PCDHGC3: variants seen among roughly 807,000 people sequenced by gnomAD.
PCDHGC3 encodes the protein protocadherin gamma-C3.
In PCDHGC3, 26 loss-of-function variants were observed where a neutral mutation model predicts 59.2. That is an observed-to-expected ratio of 0.44 (90% CI 0.32 to 0.61). The LOEUF (loss-of-function observed/expected upper bound fraction) is 0.61. Among genes scored for constraint, PCDHGC3 ranks in the 20% least tolerant of loss-of-function variants. The pLI is 0.05. For synonymous variants in PCDHGC3, 487 were observed against 519.7 expected (o/e 0.94, Z 0.86); for missense variants, 1,080 against 1,221.8 (o/e 0.88, Z 1.73).
chr5:141,511,118 C>T lies in PCDHGC3; in HGVS notation c.2750C>T (p.Ala917Val), dbSNP rs1352222210. 1.2e-6 allele frequency: 2 copies of T among 1,614,094 alleles called. No individual in the cohort carries two copies. The highest frequency in any genetic ancestry group is 1.7e-6 in the Non-Finnish European group (2 of 1,180,022). The change falls in exon 4 of 4, where the codon GCC (alanine) becomes GTC (valine). Residue 917 changes from alanine to valine, a missense_variant. Coordinates refer to ENST00000308177, the MANE Select transcript of PCDHGC3 (RefSeq NM_002588.4). ...GCAGCTGGCAAGCGGGATGGCAAGG[C>T]CCCAGCAGGTGGCAATGGCAACAAG... is the stretch of plus-strand genomic sequence containing the variant. ...TNAAGKRDGK[A>V]PAGGNGNKKK... is the part of the protein sequence containing the mutation.
In PCDHGC3 at chr5:141,487,470, G is replaced by C; in HGVS notation, c.2431-7337G>C. ...GACCCTATCAAGTTTGTTGATGTGG[G>C]AGGCCACTCTCATGGCTGTACACCC... On this transcript the variant is annotated intron_variant, in intron 1 of 3. Coordinates refer to ENST00000308177, the MANE Select transcript of PCDHGC3 (RefSeq NM_002588.4). The surrounding 1 kb of genome is among the most constrained non-coding windows in gnomAD (Gnocchi z 5.0). The C allele has an allele frequency of 1.9e-6, 3 of 1,614,162 alleles. No individual in the cohort carries two copies. Among genetic ancestry groups the C allele is most frequent in the South Asian group, 1.1e-5 (1 of 91,084 alleles).
intron 1 of PCDHGC3, among the ~76,000 whole-genome samples, chr5:141,492,341 C>T (rs2099739551): frequency 6.6e-6 from 1 of 152,222 alleles, no homozygotes; most frequent in East Asian, 1.9e-4. Flanking sequence ...CGAATACCAG[C>T]TTTCACTGCC....
chr5:141,507,202 C>G (rs2099859138), intron 3 of PCDHGC3: 1 of 152,356 alleles, frequency 6.6e-6, no homozygotes, highest in Non-Finnish European at 1.5e-5. Flanking sequence ...TCTTCCAGAT[C>G]AGGGTTGCCA....
chr5:141,486,253 C>G lies in PCDHGC3; in HGVS notation c.2430+7707C>G. On this transcript the variant is annotated intron_variant, in intron 1 of 3. Coordinates refer to ENST00000308177, the MANE Select transcript of PCDHGC3 (RefSeq NM_002588.4). The surrounding 1 kb of genome is among the most constrained non-coding windows in gnomAD (Gnocchi z 5.0). Reference sequence around the variant, plus strand: ...TGACCTCAGAGCTTGGAACCCTCCCCGAGAGTGCAGAACCTGGCACTGTGG... The same window carrying G: ...TGACCTCAGAGCTTGGAACCCTCCCGGAGAGTGCAGAACCTGGCACTGTGG... The G allele has an allele frequency of 6.2e-7, 1 of 1,614,138 alleles. No homozygotes were observed. Among genetic ancestry groups the G allele is most frequent in the East Asian group, 2.2e-5 (1 of 44,866 alleles).
intron 2 of PCDHGC3, among the ~76,000 whole-genome samples, chr5:141,501,751 C>G (rs188896150): frequency 1.4e-3 from 218 of 152,250 alleles, no homozygotes; most frequent in South Asian, 3.1e-3. Flanking sequence ...ATAGGAAGCT[C>G]TCAGTAAATG....
rs1315225126 is a variant in PCDHGC3 at position 141,487,926 on chromosome 5, A to G, written c.2431-6881A>G. The G allele has an allele frequency of 2.2e-5, 14 of 626,676 alleles. No individual in the cohort carries two copies. Among genetic ancestry groups the G allele is most frequent in the Non-Finnish European group, 3.9e-5 (14 of 359,988 alleles). The allele number at this position is 626,676 out of a possible 1,614,324, so 38.8% of individuals were successfully genotyped here. ...GTGGGAGCACAGGAGGCTACAGTGC[A>G]CAGGGTACAGTGCACCAGGCAGTCA... On this transcript the variant is annotated intron_variant, in intron 1 of 3. Coordinates refer to ENST00000308177, the MANE Select transcript of PCDHGC3 (RefSeq NM_002588.4). The surrounding 1 kb of genome is among the most constrained non-coding windows in gnomAD (Gnocchi z 5.0).
At position 141,489,481 on chromosome 5, in the gene PCDHGC3, A is replaced by C; in HGVS notation, c.2431-5326A>C. 6.2e-7 allele frequency: 1 copy of C among 1,614,040 alleles called. No homozygotes were observed. The highest frequency in any genetic ancestry group is 8.5e-7 in the Non-Finnish European group (1 of 1,180,004). ...GCGCTATTTTTCCCTGAGCTTGATG[A>C]GTGGTGCCCTGGCAGTGAATCAAAA... is the stretch of plus-strand genomic sequence containing the variant. On this transcript the variant is annotated intron_variant, in intron 1 of 3. Transcript: ENST00000308177. The surrounding 1 kb of genome is among the most constrained non-coding windows in gnomAD (Gnocchi z 4.5).
rs761264372 is a variant in PCDHGC3 at position 141,489,500 on chromosome 5, A to G, written c.2431-5307A>G. 12 of 1,614,112 alleles carry G rather than the reference A, an allele frequency of 7.4e-6. No individual in the cohort carries two copies. In the South Asian group the frequency reaches 1.3e-4, roughly 18 times the overall value. On this transcript the variant is annotated intron_variant, in intron 1 of 3. Coordinates refer to ENST00000308177, the MANE Select transcript of PCDHGC3 (RefSeq NM_002588.4). This position sits in a 1 kb window ranked among gnomAD's most constrained non-coding sequence, Gnocchi z 4.5. ...TTGATGAGTGGTGCCCTGGCAGTGA[A>G]TCAAAAGATTGACCGAGAAAGCCTA...
In PCDHGC3 at chr5:141,489,094, G is replaced by T; in HGVS notation, c.2431-5713G>T. The T allele has an allele frequency of 1.5e-5, 6 of 395,994 alleles. No homozygotes were observed. The highest frequency in any genetic ancestry group is 4.1e-5 in the East Asian group (1 of 24,388). The allele number at this position is 395,994 out of a possible 1,614,324, so 24.5% of individuals were successfully genotyped here. ...CCCACCCCCGCCACTCGGTGACTAA[G>T]AACTGCTGCAAGCAGGCAAACCTCC... On this transcript the variant is annotated intron_variant, in intron 1 of 3. Coordinates refer to ENST00000308177, the MANE Select transcript of PCDHGC3 (RefSeq NM_002588.4). This position sits in a 1 kb window ranked among gnomAD's most constrained non-coding sequence, Gnocchi z 4.5.
Position 141,486,226 on chromosome 5 carries a change from A to G in PCDHGC3, c.2430+7680A>G, listed in dbSNP as rs889500362. 5.0e-6 allele frequency: 8 copies of G among 1,614,012 alleles called. No individual in the cohort carries two copies. The highest frequency in any genetic ancestry group is 6.8e-6 in the Non-Finnish European group (8 of 1,180,018). On this transcript the variant is annotated intron_variant, in intron 1 of 3. Transcript: ENST00000308177. This position sits in a 1 kb window ranked among gnomAD's most constrained non-coding sequence, Gnocchi z 5.0. ...TAAATGACAATGCCCCTTACATCACAGTGACCTCAGAGCTTGGAACCCTCC... is the reference window on the plus strand; with the variant it reads ...TAAATGACAATGCCCCTTACATCACGGTGACCTCAGAGCTTGGAACCCTCC...
chr5:141,509,645 G>C (rs138497208), intron 3 of PCDHGC3, among the ~76,000 whole-genome samples: 8 of 152,338 alleles, frequency 5.3e-5, no homozygotes, highest in African/African-American at 1.9e-4. Context: ...GCCAGGGCCA[G>C]AGTGTGGACT....
chr5:141,478,903 C>T lies in PCDHGC3; in HGVS notation c.2430+357C>T. On this transcript the variant is annotated intron_variant, in intron 1 of 3. Transcript: ENST00000308177. Reference sequence around the variant, plus strand: ...TGGTATCATTTACATTAGGAATAAGCTGCTGGATACCTCTAACCAGTGGCA... The same window carrying T: ...TGGTATCATTTACATTAGGAATAAGTTGCTGGATACCTCTAACCAGTGGCA... 4.2e-6 allele frequency: 4 copies of T among 957,824 alleles called. No homozygotes were observed. The South Asian group carries it at 7.3e-5, about 18-fold the overall frequency. 59.3% of individuals were successfully genotyped at this position (957,824 alleles called of 1,614,324 possible). A position where few individuals can be genotyped will look rare whatever the true frequency, so the allele number is the denominator to read the frequency against.
intron 1 of PCDHGC3, chr5:141,492,036 T>A: frequency 1.9e-6 from 1 of 536,866 alleles, no homozygotes; most frequent in Non-Finnish European, 3.2e-6. Flanking sequence ...GAGGAGGCAG[T>A]CACAGATCCA....
intron 1 of PCDHGC3, among the ~76,000 whole-genome samples, chr5:141,479,041 C>T (rs1346986831): frequency 1.2e-4 from 18 of 152,100 alleles, no homozygotes; most frequent in Admixed American, 1.2e-3. Flanking sequence ...AGATCGTGTA[C>T]CTCATTCTCA....
intron 2 of PCDHGC3, among the ~76,000 whole-genome samples, chr5:141,501,301 ACAC>A (rs1380901086): frequency 6.6e-6 from 1 of 150,882 alleles, no homozygotes; most frequent in African/African-American, 2.4e-5. Context: ...ACACACACAC[ACAC>A]ACACACACAC....
chr5:141,503,304 A>G (rs946582779), intron 2 of PCDHGC3, among the ~76,000 whole-genome samples: 1 of 152,150 alleles, frequency 6.6e-6, no homozygotes, highest in African/African-American at 2.4e-5. Flanking sequence ...ATTGCTCAAG[A>G]AAGAATTGTT....
intron 1 of PCDHGC3, among the ~76,000 whole-genome samples, chr5:141,481,700 T>C (rs1283509788): frequency 2.0e-5 from 3 of 152,034 alleles, no homozygotes; most frequent in Non-Finnish European, 4.4e-5. Context: ...ACGCCTGTAA[T>C]CCCAGCACTT....
Position 141,485,863 on chromosome 5 carries a change from A to G in PCDHGC3, c.2430+7317A>G, listed in dbSNP as rs770864367. 78 of 1,614,054 alleles carry G rather than the reference A, an allele frequency of 4.8e-5. No individual in the cohort carries two copies. Among genetic ancestry groups the G allele is most frequent in the Non-Finnish European group, 6.0e-5 (71 of 1,180,040 alleles). ...GATCTGGCACCGCAGAGCTCCGGGT[A>G]TCCGTGCTGGACGTAAACGACAACG... On this transcript the variant is annotated intron_variant, in intron 1 of 3. Coordinates refer to ENST00000308177, the MANE Select transcript of PCDHGC3 (RefSeq NM_002588.4). The surrounding 1 kb of genome is among the most constrained non-coding windows in gnomAD (Gnocchi z 5.7).
intron 1 of PCDHGC3, among the ~76,000 whole-genome samples, chr5:141,483,361 A>C (rs752805137): frequency 4.6e-5 from 7 of 152,102 alleles, no homozygotes; most frequent in Non-Finnish European, 7.4e-5. Flanking sequence ...TTTGAAAGCT[A>C]TTGCAATATT....
Sources: gnomAD v4.1 joint callset for allele counts (sites outside exome capture counted in the v4.1 genomes callset) on GRCh38, gnomAD v4.1.1 for gene constraint, Gnocchi (gnomAD v3.1) non-coding constraint, MANE v1.5 for transcripts, NCBI Gene and HGNC (gene_info 2026-07-23, HGNC 2026-07-21) for gene names.